Variants in CTNNA3 observed in about 807,000 individuals in gnomAD.
The protein encoded by CTNNA3 is catenin alpha-3.
A neutral mutation model predicts 95.7 loss-of-function variants in CTNNA3; 76 were observed. The observed-to-expected ratio is 0.79, with a 90% confidence interval of 0.66 to 0.96. The LOEUF (loss-of-function observed/expected upper bound fraction) is 0.96, where lower values mean the gene tolerates loss of function less well. Ranked by LOEUF, CTNNA3 falls within the 40% of genes least tolerant of loss-of-function variation. The probability of loss-of-function intolerance (pLI) is 0.00; values close to 1 mark genes in which losing one functional copy is unlikely to be tolerated. For synonymous variants in CTNNA3, 431 were observed against 374.4 expected, an observed-to-expected ratio of 1.15 and a Z score of -1.74; for missense variants, 1,191 against 1,089.8, an observed-to-expected ratio of 1.09 and a Z score of -1.31.
intron 13 of CTNNA3, among the ~76,000 whole-genome samples, chr10:66,179,548 T>C (rs928433026): frequency 3.3e-5 from 5 of 152,126 alleles, no homozygotes; most frequent in Admixed American, 2.6e-4. Flanking sequence ...TTCTTATAAA[T>C]GCCTATAAAT....
chr10:67,414,785 G>A (rs1845487282), intron 5 of CTNNA3, among the ~76,000 whole-genome samples: 1 of 152,178 alleles, frequency 6.6e-6, no homozygotes, highest in African/African-American at 2.4e-5. Context: ...CACATTTGTT[G>A]TGATTTGTGA....
At chr10:67,075,175 C>CACACACAG (rs1313139874) in intron 7 of CTNNA3, among the ~76,000 whole-genome samples, 26 of 151,864 alleles carry the variant, frequency 1.7e-4, no homozygotes, top group African/African-American at 6.3e-4. Flanking sequence ...TTTCTGCACA[C>CACACACAG]ACACACACAC....
At chr10:67,705,783 A>AT (rs1491019702) in intron 1 of CTNNA3, among the ~76,000 whole-genome samples, 34 of 145,546 alleles carry the variant, frequency 2.3e-4, no homozygotes, top group African/African-American at 7.2e-4. Context: ...TATAATAATA[A>AT]TAAAAAAAAA....
At chr10:66,415,385 A>T (rs1443398488) in intron 11 of CTNNA3, among the ~76,000 whole-genome samples, 1 of 152,088 alleles carries the variant, frequency 6.6e-6, no homozygotes, top group African/African-American at 2.4e-5. Context: ...TTCCCAGAAC[A>T]TTACAGTTAC....
At chr10:67,460,146 C>G (rs549396833) in intron 5 of CTNNA3, among the ~76,000 whole-genome samples, 8 of 152,218 alleles carry the variant, frequency 5.3e-5, no homozygotes, top group African/African-American at 1.9e-4. Flanking sequence ...GGTTTATATA[C>G]TTAACACTGT....
chr10:67,699,855 GT>G (rs1841021152), upstream of CTNNA3, among the ~76,000 whole-genome samples: 1 of 152,236 alleles, frequency 6.6e-6, no homozygotes, highest in Non-Finnish European at 1.5e-5. Flanking sequence ...GGGTCGGGGA[GT>G]TCCCTTTCCT....
At chr10:66,295,928 T>A (rs1440411999) in intron 12 of CTNNA3, among the ~76,000 whole-genome samples, 2 of 135,510 alleles carry the variant, frequency 1.5e-5, no homozygotes, top group Non-Finnish European at 3.1e-5. Context: ...AGGAAAAATT[T>A]TGGAGATGGC....
chr10:66,504,899 C>A (rs72791593), intron 11 of CTNNA3, among the ~76,000 whole-genome samples: 22,728 of 152,106 alleles, frequency 0.15, 1,765 homozygotes, highest in Non-Finnish European at 0.17. Context: ...TATATTTTAT[C>A]ATTCACAGCC....
At chr10:67,133,183 C>A in intron 7 of CTNNA3, among the ~76,000 whole-genome samples, 1 of 149,854 alleles carries the variant, frequency 6.7e-6, no homozygotes, top group African/African-American at 2.5e-5. Flanking sequence ...ATATGTACTC[C>A]GTAAATAGGT....
intron 5 of CTNNA3, among the ~76,000 whole-genome samples, chr10:67,479,151 T>C (rs1198857872): frequency 2.0e-5 from 3 of 152,086 alleles, no homozygotes; most frequent in Admixed American, 1.3e-4. Flanking sequence ...ATAATAATAG[T>C]GAGGGACTTC....
chr10:66,368,474 T>G (rs1010928199), intron 12 of CTNNA3, among the ~76,000 whole-genome samples: 2 of 152,064 alleles, frequency 1.3e-5, no homozygotes, highest in Non-Finnish European at 2.9e-5. Flanking sequence ...TATTCCCTTT[T>G]GTGTTCCTTT....
At chr10:66,578,873 T>A (rs1265195346) in intron 10 of CTNNA3, among the ~76,000 whole-genome samples, 1 of 151,180 alleles carries the variant, frequency 6.6e-6, no homozygotes, top group East Asian at 1.9e-4. Context: ...AGCTAGAGAA[T>A]CCCTTCTCAA....
intron 3 of CTNNA3, among the ~76,000 whole-genome samples, chr10:67,588,051 TTC>T (rs1344134354): frequency 6.6e-6 from 1 of 152,078 alleles, no homozygotes; most frequent in African/African-American, 2.4e-5. Flanking sequence ...GTTCCAGAAT[TTC>T]TGTTTCTTAT....
At chr10:66,755,330 C>T (rs936886818) in intron 9 of CTNNA3, among the ~76,000 whole-genome samples, 2 of 152,018 alleles carry the variant, frequency 1.3e-5, no homozygotes, top group Non-Finnish European at 2.9e-5. Flanking sequence ...TAATAGTTAC[C>T]TAGTTTCAGG....
intron 11 of CTNNA3, among the ~76,000 whole-genome samples, chr10:66,385,203 T>G (rs1439840323): frequency 1.3e-5 from 2 of 151,782 alleles, no homozygotes; most frequent in Admixed American, 6.6e-5. Flanking sequence ...GCAAGACTAA[T>G]AAAGAAGAAA....
intron 7 of CTNNA3, among the ~76,000 whole-genome samples, chr10:66,987,774 C>T (rs1241268147): frequency 6.6e-6 from 1 of 152,104 alleles, no homozygotes; most frequent in Non-Finnish European, 1.5e-5. Context: ...GAATTTAGCT[C>T]ATGATAACTA....
chr10:67,109,923 C>A (rs1858829327), intron 7 of CTNNA3, among the ~76,000 whole-genome samples: 1 of 152,164 alleles, frequency 6.6e-6, no homozygotes, highest in African/African-American at 2.4e-5. Context: ...AGAAAGTTAT[C>A]ATGAATAATG....
At chr10:66,159,626 GT>G (rs34684370) in intron 13 of CTNNA3, among the ~76,000 whole-genome samples, 3,855 of 114,880 alleles carry the variant, frequency 0.034, 171 homozygotes, top group African/African-American at 0.11. Context: ...TTTGTTTTCT[GT>G]TTTTTTTTTT....
intron 6 of CTNNA3, among the ~76,000 whole-genome samples, chr10:67,189,764 T>G (rs1863035236): frequency 6.6e-6 from 1 of 152,076 alleles, no homozygotes; most frequent in Non-Finnish European, 1.5e-5. Flanking sequence ...ACAGGTACTT[T>G]ACATCTGAGT....
Sources: allele counts gnomAD v4.1 joint callset (sites outside exome capture counted in the v4.1 genomes callset), GRCh38; gene constraint gnomAD v4.1.1; transcripts MANE v1.5; gene names NCBI Gene and HGNC (gene_info 2026-07-23, HGNC 2026-07-21).